The following ZBBX variants were observed in gnomAD, a reference collection of about 807,000 sequenced individuals.
The protein encoded by ZBBX is zinc finger B-box domain containing.
A neutral mutation model predicts 108.5 loss-of-function variants in ZBBX; 101 were observed. The observed-to-expected ratio is 0.93, with a 90% confidence interval of 0.79 to 1.10. ZBBX has a LOEUF of 1.10. Ranked by LOEUF, ZBBX falls within the 50% of genes least tolerant of loss-of-function variation. ZBBX has a pLI of 0.00. For missense variants in ZBBX, 1,009 were observed against 941.4 expected, an observed-to-expected ratio of 1.07 and a Z score of -0.94; for synonymous variants, 356 against 323.4, an observed-to-expected ratio of 1.10 and a Z score of -1.08.
intron 20 of ZBBX, among the ~76,000 whole-genome samples, chr3:167,271,205 CA>C (rs34027317): frequency 0.33 from 49,629 of 152,086 alleles, 9,408 homozygotes; most frequent in Non-Finnish European, 0.43. Context: ...TTGGACTAAA[CA>C]AGGTCTTATT....
At chr3:167,220,239 G>A in the ZBBX span, among the ~76,000 whole-genome samples, 1 of 151,932 alleles carries the variant, frequency 6.6e-6, no homozygotes, top group Admixed American at 6.6e-5. Flanking sequence ...ACTCTAGGAG[G>A]CCAGTTTTGC....
At chr3:167,184,347 A>G in the ZBBX span, among the ~76,000 whole-genome samples, 512 of 152,070 alleles carry the variant, frequency 3.4e-3, 4 homozygotes, top group African/African-American at 0.012. Context: ...CAGGCTCCCT[A>G]TTCTTTATTC....
intron 4 of ZBBX, among the ~76,000 whole-genome samples, chr3:167,369,790 G>A (rs1246657718): frequency 2.0e-5 from 3 of 152,126 alleles, no homozygotes; most frequent in African/African-American, 4.8e-5. Flanking sequence ...AGAAGGTGAA[G>A]TATGAGCTGA....
chr3:167,320,803 A>G, intron 12 of ZBBX, among the ~76,000 whole-genome samples: 1 of 152,052 alleles, frequency 6.6e-6, no homozygotes, highest in South Asian at 2.1e-4. Flanking sequence ...GTATAACCTC[A>G]GTCTAATTAT....
intron 20 of ZBBX, among the ~76,000 whole-genome samples, chr3:167,275,947 GCCT>G (rs1005154105): frequency 6.6e-6 from 1 of 152,164 alleles, no homozygotes; most frequent in Admixed American, 6.5e-5. Flanking sequence ...CGGGCAGACT[GCCT>G]CCTCAAGTGG....
At chr3:167,297,455 G>C (rs975756456) in intron 18 of ZBBX, among the ~76,000 whole-genome samples, 1 of 151,898 alleles carries the variant, frequency 6.6e-6, no homozygotes, top group Non-Finnish European at 1.5e-5. Flanking sequence ...TATAGGCCCA[G>C]GACATTGGCT....
chr3:167,320,414 A>C (rs1736246590), intron 12 of ZBBX, among the ~76,000 whole-genome samples: 2 of 151,968 alleles, frequency 1.3e-5, no homozygotes, highest in Non-Finnish European at 2.9e-5. Flanking sequence ...ATAAAGAAAA[A>C]ATAATAAAAG....
upstream of ZBBX, among the ~76,000 whole-genome samples, chr3:167,384,403 A>G (rs1747841833): frequency 6.6e-6 from 1 of 152,116 alleles, no homozygotes; most frequent in African/African-American, 2.4e-5. Flanking sequence ...AGCTTGGTAA[A>G]TAAGTAGATG....
intron 2 of ZBBX, among the ~76,000 whole-genome samples, chr3:167,376,038 AC>A (rs1323512774): frequency 6.6e-6 from 1 of 152,164 alleles, no homozygotes; most frequent in Admixed American, 6.5e-5. Context: ...CACAAAAGCA[AC>A]CACAATATCA....
chr3:167,346,452 C>T (rs1454892469), intron 9 of ZBBX, among the ~76,000 whole-genome samples: 3 of 151,912 alleles, frequency 2.0e-5, no homozygotes, highest in African/African-American at 7.2e-5. Context: ...ACTGACTAAA[C>T]TCACAGGACC....
chr3:167,313,023 T>C (rs559289970), intron 16 of ZBBX, among the ~76,000 whole-genome samples: 1 of 152,350 alleles, frequency 6.6e-6, no homozygotes, highest in African/African-American at 2.4e-5. Flanking sequence ...TTGAAAATTA[T>C]CTAGTTCCTA....
chr3:167,351,161 A>ACT (rs1168385301), intron 8 of ZBBX, among the ~76,000 whole-genome samples: 1 of 152,172 alleles, frequency 6.6e-6, no homozygotes, highest in African/African-American at 2.4e-5. Flanking sequence ...AACTGATAAA[A>ACT]TGATTATGGG....
the ZBBX span, among the ~76,000 whole-genome samples, chr3:167,216,162 C>T: frequency 6.6e-6 from 1 of 151,888 alleles, no homozygotes; most frequent in African/African-American, 2.4e-5. Flanking sequence ...GGCATCCAAA[C>T]AAAAACAGAG....
intron 20 of ZBBX, among the ~76,000 whole-genome samples, chr3:167,256,362 T>C (rs1267543085): frequency 6.6e-6 from 1 of 152,110 alleles, no homozygotes; most frequent in Non-Finnish European, 1.5e-5. Context: ...ATGGGGTACA[T>C]GAAATGTTTT....
intron 20 of ZBBX, among the ~76,000 whole-genome samples, chr3:167,261,622 A>C (rs1724543952): frequency 6.6e-6 from 1 of 151,904 alleles, no homozygotes; most frequent in Admixed American, 6.6e-5. Flanking sequence ...GAAAGCCAGC[A>C]GTCACAAGCC....
intron 1 of ZBBX, among the ~76,000 whole-genome samples, chr3:167,385,809 C>T (rs1197621720): frequency 2.0e-5 from 3 of 152,030 alleles, no homozygotes; most frequent in South Asian, 2.1e-4. Context: ...TATGGGGCCA[C>T]CATTGTATAT....
intron 8 of ZBBX, among the ~76,000 whole-genome samples, chr3:167,351,973 A>G (rs1742739667): frequency 6.6e-6 from 1 of 152,176 alleles, no homozygotes; most frequent in East Asian, 1.9e-4. Context: ...CTGACCCACC[A>G]GTGTTCAGCT....
At chr3:167,204,637 A>G in the ZBBX span, among the ~76,000 whole-genome samples, 2 of 149,046 alleles carry the variant, frequency 1.3e-5, no homozygotes, top group African/African-American at 2.5e-5. Context: ...AATCCAGTCT[A>G]TCATTGTTGG....
chr3:167,348,957 G>A (rs1742179499), intron 9 of ZBBX, among the ~76,000 whole-genome samples: 1 of 151,952 alleles, frequency 6.6e-6, no homozygotes, highest in East Asian at 1.9e-4. Context: ...TTATTTGACT[G>A]GTGTCGTATC....
Sources: gnomAD v4.1 joint callset for allele counts (sites outside exome capture counted in the v4.1 genomes callset) on GRCh38, gnomAD v4.1.1 for gene constraint, MANE v1.5 for transcripts, NCBI Gene and HGNC (gene_info 2026-07-23, HGNC 2026-07-21) for gene names.